The following SPSB1 variants were observed in gnomAD, a reference collection of about 807,000 sequenced individuals.
SPSB1 encodes the protein SPRY domain-containing SOCS box protein 1.
SPSB1 carries 8 observed loss-of-function variants against 21.2 expected under a neutral mutation model. That is an observed-to-expected ratio of 0.38 (90% confidence interval 0.22 to 0.68). The LOEUF is 0.68. Ranked by LOEUF, SPSB1 falls within the 30% of genes least tolerant of loss-of-function variation. The pLI, the probability that SPSB1 is intolerant of heterozygous loss-of-function variation, is 0.53. For synonymous variants in SPSB1, 169 were observed against 161.7 expected (o/e 1.05, Z -0.34); for missense variants, 242 against 377.8 (o/e 0.64, Z 2.98).
In SPSB1 at chr1:9,357,499, C is replaced by T. The variant is rs528634947; in HGVS notation, c.694+914C>T. ...GCTGGGGTTTGTAACCTTGGGGATA[C>T]TAGGGCCTCTCCGGTAAATGAATGC... On this transcript the variant is annotated intron_variant, in intron 2 of 2. Coordinates refer to ENST00000328089, the MANE Select transcript of SPSB1 (RefSeq NM_025106.4). Among the ~76,000 whole-genome samples, 225 of 152,308 alleles carry T rather than the reference C, an allele frequency of 1.5e-3. 1 individual carries two copies. Among genetic ancestry groups the T allele is most frequent in the African/African-American group, 5.1e-3 (212 of 41,564 alleles).
At chr1:9,352,597 G>A (rs184965827) in intron 1 of SPSB1, among the ~76,000 whole-genome samples, 6 of 152,196 alleles carry the variant, frequency 3.9e-5, no homozygotes, top group African/African-American at 9.6e-5. Context: ...TGAGACAGGC[G>A]TTCTGTGTGT....
chr1:9,347,458 A>G (rs533218400), intron 1 of SPSB1, among the ~76,000 whole-genome samples: 1 of 152,220 alleles, frequency 6.6e-6, no homozygotes, highest in African/African-American at 2.4e-5. Context: ...TTTCCCTCCC[A>G]CCCACAATCA....
chr1:9,327,721 G>A (rs564624600), intron 1 of SPSB1, among the ~76,000 whole-genome samples: 65 of 152,300 alleles, frequency 4.3e-4, no homozygotes, highest in Non-Finnish European at 7.2e-4. Context: ...AACTTTAAGA[G>A]CCTGATGGTA....
At chr1:9,351,469 G>A (rs553390202) in intron 1 of SPSB1, 2 of 152,372 alleles carry the variant, frequency 1.3e-5, no homozygotes, top group South Asian at 4.1e-4. Context: ...TTTTAGGTAA[G>A]TGTGTGACAG....
rs539352354 is a variant in SPSB1 at position 9,367,381 on chromosome 1, G to A, written c.695-67G>A. 5.6e-6 allele frequency: 9 copies of A among 1,609,006 alleles called. No homozygotes were observed. The South Asian group carries it at 9.9e-5, about 18-fold the overall frequency. ...ACTAATCAGTGATAATATTGCTGCTGTGGTTAGCGCTGTTTGCTGAACACC... is the reference window on the plus strand; with the variant it reads ...ACTAATCAGTGATAATATTGCTGCTATGGTTAGCGCTGTTTGCTGAACACC... On this transcript the variant is annotated intron_variant, in intron 2 of 2. Coordinates refer to ENST00000328089, the MANE Select transcript of SPSB1 (RefSeq NM_025106.4). The surrounding 1 kb of genome is among the most constrained non-coding windows in gnomAD (Gnocchi z 5.9).
rs1034867324 is a variant in SPSB1 at position 9,363,557 on chromosome 1, A to G, written c.695-3891A>G. ...CTCACCTCCCCAAGCCCATTTCCCT[A>G]TCTGTAGGTTGGGGTCACAGTCCCC... On this transcript the variant is annotated intron_variant, in intron 2 of 2. Coordinates refer to ENST00000328089, the MANE Select transcript of SPSB1 (RefSeq NM_025106.4). This position sits in a 1 kb window ranked among gnomAD's most constrained non-coding sequence, Gnocchi z 4.5. Among the ~76,000 whole-genome samples, 2 of 152,040 alleles carry G rather than the reference A, an allele frequency of 1.3e-5. No homozygotes were observed. The highest frequency in any genetic ancestry group is 2.9e-5 in the Non-Finnish European group (2 of 67,984).
intron 2 of SPSB1, among the ~76,000 whole-genome samples, chr1:9,358,713 G>T (rs1049995294): frequency 3.3e-5 from 5 of 152,184 alleles, no homozygotes; most frequent in Non-Finnish European, 5.9e-5. Context: ...TGCCCACTGA[G>T]ACTGTGGGGC....
At chr1:9,343,337 G>T (rs1021254771) in intron 1 of SPSB1, among the ~76,000 whole-genome samples, 1 of 151,168 alleles carries the variant, frequency 6.6e-6, no homozygotes, top group Non-Finnish European at 1.5e-5. Context: ...TGGTCATTTC[G>T]TCGAAAGGGA....
At chr1:9,308,367 G>A (rs946268432) in intron 1 of SPSB1, among the ~76,000 whole-genome samples, 9 of 152,154 alleles carry the variant, frequency 5.9e-5, no homozygotes, top group Non-Finnish European at 8.8e-5. Context: ...CAGGGCCCCC[G>A]GAGCCACGGT....
intron 1 of SPSB1, chr1:9,294,734 G>C (rs923402605): frequency 5.9e-5 from 9 of 152,200 alleles, no homozygotes; most frequent in Admixed American, 4.6e-4. Context: ...CTCGTTGGGG[G>C]GGCTGGGCCC....
At position 9,320,644 on chromosome 1, in the gene SPSB1, C is replaced by T. The variant is rs372151217; in HGVS notation, c.-150+27573C>T. 1.2e-4 allele frequency among the ~76,000 whole-genome samples: 19 copies of T among 152,328 alleles called. No individual in the cohort carries two copies. In the East Asian group the frequency reaches 3.5e-3, roughly 28 times the overall value. On this transcript the variant is annotated intron_variant, in intron 1 of 2. Coordinates refer to ENST00000328089, the MANE Select transcript of SPSB1 (RefSeq NM_025106.4). ...CAATGGAGCAGGAGAAACTGACTTG[C>T]CCCAAATCTCTGATCATTTTCTAGA...
At chr1:9,320,946 G>A (rs1254705644) in intron 1 of SPSB1, among the ~76,000 whole-genome samples, 1 of 140,260 alleles carries the variant, frequency 7.1e-6, no homozygotes, top group Non-Finnish European at 1.6e-5. Flanking sequence ...TCCAGTGGAA[G>A]GTCCCCCTCC....
rs1003216349 is a variant in SPSB1, at chr1:9,293,923, GGTGT to G, written c.-150+860_-150+863del. ...ATGAGTGTGTCTGTGTGTTCATGTG[GGTGT>G]GTGTGTGAGTGTGTCTCTAAGTGCA... On this transcript the variant is annotated intron_variant, in intron 1 of 2. Transcript: ENST00000328089. The surrounding 1 kb of genome is among the most constrained non-coding windows in gnomAD (Gnocchi z 5.1). Among the ~76,000 whole-genome samples, 4 of 151,792 alleles carry G rather than the reference GGTGT, an allele frequency of 2.6e-5. No homozygotes were observed. Among genetic ancestry groups the G allele is most frequent in the Non-Finnish European group, 5.9e-5 (4 of 67,922 alleles).
intron 1 of SPSB1, among the ~76,000 whole-genome samples, chr1:9,297,640 GT>G (rs150978987): frequency 0.024 from 3,691 of 152,250 alleles, 147 homozygotes; most frequent in African/African-American, 0.085. Context: ...ACTTGATGTT[GT>G]AGCTCAGGGG....
At chr1:9,316,357 C>T (rs1380316510) in intron 1 of SPSB1, among the ~76,000 whole-genome samples, 3 of 152,142 alleles carry the variant, frequency 2.0e-5, no homozygotes, top group Non-Finnish European at 2.9e-5. Context: ...AGAGACAGCC[C>T]CTGGGGCACA....
intron 1 of SPSB1, among the ~76,000 whole-genome samples, chr1:9,330,239 G>A (rs1056986563): frequency 6.6e-6 from 1 of 152,138 alleles, no homozygotes; most frequent in African/African-American, 2.4e-5. Context: ...AGACTGAGGC[G>A]GGCGGATCAC....
chr1:9,320,834 T>C (rs1462929806), intron 1 of SPSB1, among the ~76,000 whole-genome samples: 6 of 152,134 alleles, frequency 3.9e-5, no homozygotes, highest in African/African-American at 9.7e-5. Context: ...GTTTGGAAGC[T>C]ACAACGTCCT....
At chr1:9,361,175 T>TTC in intron 2 of SPSB1, among the ~76,000 whole-genome samples, 1 of 144,434 alleles carries the variant, frequency 6.9e-6, no homozygotes, top group African/African-American at 2.6e-5. Flanking sequence ...TTTTTTTTTT[T>TTC]TTTTTTTTAG....
chr1:9,362,302 G>A (rs977558199), intron 2 of SPSB1, among the ~76,000 whole-genome samples: 42 of 152,226 alleles, frequency 2.8e-4, no homozygotes, highest in African/African-American at 9.9e-4. Context: ...GTTTGGGGGG[G>A]ATAGGGGACC....
Sources: gnomAD v4.1 joint callset for allele counts (sites outside exome capture counted in the v4.1 genomes callset) on GRCh38, gnomAD v4.1.1 for gene constraint, Gnocchi (gnomAD v3.1) non-coding constraint, MANE v1.5 for transcripts, NCBI Gene and HGNC (gene_info 2026-07-23, HGNC 2026-07-21) for gene names.